Variants in RNASE8 observed in about 807,000 individuals in gnomAD.
The protein encoded by RNASE8 is ribonuclease A family member 8, also known as ribonuclease 8.
For synonymous variants in RNASE8, 68 were observed against 74.1 expected, an observed-to-expected ratio of 0.92 and a Z score of 0.42; for missense variants, 179 against 187.9, an observed-to-expected ratio of 0.95 and a Z score of 0.28.
Position 21,058,215 on chromosome 14 carries a change from G to A in RNASE8, c.323G>A (p.Gly108Asp). Residue 108 changes from glycine to aspartate, a missense_variant, in exon 1 of 1, where the codon GGT (glycine) becomes GAT (aspartate). Gly to Asp is a moderately conservative substitution (Grantham distance 94). Transcript: ENST00000308227. ...CACGGGCCCATGTCCCTGACCATGG[G>A]TGAGCTCACCTCAGGGAAGTACCCA... is the stretch of plus-strand genomic sequence containing the variant. The part of the protein sequence containing the change: ...QSHGPMSLTM[G>D]ELTSGKYPNC... The A allele has an allele frequency of 6.2e-7, 1 of 1,614,132 alleles. No homozygotes were observed.
chr14:21,058,372 G>A lies in RNASE8; in HGVS notation c.*15G>A, dbSNP rs923858905. On this transcript the variant is annotated 3_prime_UTR_variant, in exon 1 of 1. Transcript: ENST00000308227. ...AAGTTGTCTAAGCCCTGGTGCCCAC[G>A]TTCCACCTCACACTCTGCAGACTGT... 13 of 1,554,732 alleles carry A rather than the reference G, an allele frequency of 8.4e-6. No individual in the cohort carries two copies. The highest frequency in any genetic ancestry group is 2.2e-5 in the East Asian group (1 of 44,602).
At position 21,058,050 on chromosome 14, in the gene RNASE8, C is replaced by T. The variant is rs1885760158; in HGVS notation, c.158C>T (p.Ala53Val). 6.2e-7 allele frequency: 1 copy of T among 1,614,044 alleles called. No individual in the cohort carries two copies. Among genetic ancestry groups the T allele is most frequent in the Non-Finnish European group, 8.5e-7 (1 of 1,180,048 alleles). ...VQPSPQACNS[A>V]MSIINKYTER... ...CCCAGCCCTCAAGCATGCAACTCAGCCATGAGCATCATCAATAAGTACACA... is the reference window on the plus strand; with the variant it reads ...CCCAGCCCTCAAGCATGCAACTCAGTCATGAGCATCATCAATAAGTACACA... Residue 53 changes from alanine to valine, a missense_variant, in exon 1 of 1, where the codon GCC (alanine) becomes GTC (valine). Ala to Val is a moderately conservative substitution (Grantham distance 64). Transcript: ENST00000308227.
the RNASE8 span, chr14:21,058,006 TA>T: frequency 6.2e-7 from 1 of 1,613,980 alleles, no homozygotes; most frequent in Non-Finnish European, 8.5e-7. Flanking sequence ...CTCAGTGGTT[TA>T]AAACTCAGCA....
At position 21,058,293 on chromosome 14, in the gene RNASE8, A is replaced by G; in HGVS notation, c.401A>G (p.Asp134Gly). Residue 134 changes from aspartate (D) to glycine (G), a missense_variant, in exon 1 of 1, where the codon GAC (aspartate) becomes GGC (glycine). Coordinates refer to ENST00000308227, the MANE Select transcript of RNASE8 (RefSeq NM_138331.2). ...HLNTPYIVAC[D>G]PPQQGDPGYP... ...AACACACCTTACATAGTGGCCTGTGACCCTCCACAACAGGGTGACCCAGGG... is the reference window on the plus strand; with the variant it reads ...AACACACCTTACATAGTGGCCTGTGGCCCTCCACAACAGGGTGACCCAGGG... The G allele has an allele frequency of 6.2e-7, 1 of 1,613,968 alleles. No individual in the cohort carries two copies. The highest frequency in any genetic ancestry group is 8.5e-7 in the Non-Finnish European group (1 of 1,179,960).
Position 21,057,937 on chromosome 14 carries a change from T to C in RNASE8, c.45T>C (p.Leu15=). 6.2e-7 allele frequency: 1 copy of C among 1,614,016 alleles called. No individual in the cohort carries two copies. Among genetic ancestry groups the C allele is most frequent in the Non-Finnish European group, 8.5e-7 (1 of 1,180,020 alleles). The change falls in exon 1 of 1, where the codon CTT becomes CTC. Residue 15 remains leucine (L), a synonymous_variant. Coordinates refer to ENST00000308227, the MANE Select transcript of RNASE8 (RefSeq NM_138331.2). ...RAGCCPLLLL[L]LGLWVAEVLV... is the part of the protein sequence containing the mutation. ...GATGCTGCCCCCTGCTGCTGCTGCT[T>C]CTGGGGCTGTGGGTGGCAGAGGTCC...
chr14:21,057,993 C>T lies in RNASE8; in HGVS notation c.101C>T (p.Ser34Leu), dbSNP rs1395550874. The change falls in exon 1 of 1, where the codon TCA becomes TTA. Residue 34 changes from serine to leucine, a missense_variant. Ser to Leu is a moderately radical substitution (Grantham distance 145). Transcript: ENST00000308227. ...LVRAKPKDMTSSQWFKTQHVQ... is the reference protein window; with the variant it reads ...LVRAKPKDMTLSQWFKTQHVQ... ...AGAGCCAAGCCCAAGGACATGACAT[C>T]ATCTCAGTGGTTTAAAACTCAGCAT... The T allele has an allele frequency of 1.2e-6, 2 of 1,614,110 alleles. No individual in the cohort carries two copies. The highest frequency in any genetic ancestry group is 4.5e-5 in the East Asian group (2 of 44,872).
At position 21,058,109 on chromosome 14, in the gene RNASE8, G is replaced by A. The variant is rs1285146494; in HGVS notation, c.217G>A (p.Glu73Lys). Residue 73 changes from glutamate to lysine, a missense_variant, in exon 1 of 1, where the codon GAG (glutamate) becomes AAG (lysine). Coordinates refer to ENST00000308227, the MANE Select transcript of RNASE8 (RefSeq NM_138331.2). ...RCKDLNTFLH[E>K]PFSSVAITCQ... ...CAAAGACCTCAACACCTTCCTGCAC[G>A]AGCCCTTCTCCAGTGTGGCCATCAC... 5.6e-6 allele frequency: 9 copies of A among 1,613,924 alleles called. No individual in the cohort carries two copies. Among genetic ancestry groups the A allele is most frequent in the Middle Eastern group, 1.6e-4 (1 of 6,084 alleles).
Position 21,057,967 on chromosome 14 carries a change from C to A in RNASE8, c.75C>A (p.Val25=), listed in dbSNP as rs372625759. The A allele has an allele frequency of 1.9e-6, 3 of 1,613,966 alleles. No individual in the cohort carries two copies. Among genetic ancestry groups the A allele is most frequent in the Non-Finnish European group, 2.5e-6 (3 of 1,180,044 alleles). ...LLGLWVAEVL[V]RAKPKDMTSS... is the part of the protein sequence containing the mutation. ...GGCTGTGGGTGGCAGAGGTCCTAGT[C>A]AGAGCCAAGCCCAAGGACATGACAT... is the stretch of plus-strand genomic sequence containing the variant. The change falls in exon 1 of 1, where the codon GTC becomes GTA. Residue 25 remains valine (V), a synonymous_variant. Coordinates refer to ENST00000308227, the MANE Select transcript of RNASE8 (RefSeq NM_138331.2).
Position 21,057,881 on chromosome 14 carries a change from C to T in RNASE8, c.-12C>T, listed in dbSNP as rs1885749310. ...ACCTCCTCACTCTGTTCCACTGTCT[C>T]CCTTAAGAGAGATGGCACCGGCCAG... is the stretch of plus-strand genomic sequence containing the variant. On this transcript the variant is annotated 5_prime_UTR_variant, in exon 1 of 1. Coordinates refer to ENST00000308227, the MANE Select transcript of RNASE8 (RefSeq NM_138331.2). 1 of 1,611,100 alleles carries T rather than the reference C, an allele frequency of 6.2e-7. No individual in the cohort carries two copies. The highest frequency in any genetic ancestry group is 8.5e-7 in the Non-Finnish European group (1 of 1,178,014).
rs1292206097 is a variant in RNASE8 at position 21,058,178 on chromosome 14, T to C, written c.286T>C (p.Cys96Arg). The change falls in exon 1 of 1, where the codon TGC (cysteine) becomes CGC (arginine). Residue 96 changes from cysteine to arginine, a missense_variant. Physicochemically the swap from Cys to Arg is radical, Grantham distance 180. Transcript: ENST00000308227. ...AGCCTGCAAGAATAGCTGTAAAAAC[T>C]GCCACCAGAGCCACGGGCCCATGTC... ...NIACKNSCKN[C>R]HQSHGPMSLT... The C allele has an allele frequency of 6.2e-7, 1 of 1,614,038 alleles. No homozygotes were observed. The highest frequency in any genetic ancestry group is 1.1e-5 in the South Asian group (1 of 91,070).
In RNASE8 at chr14:21,058,313, C is replaced by G; in HGVS notation, c.421C>G (p.Pro141Ala). Residue 141 changes from proline to alanine, a missense_variant, in exon 1 of 1, where the codon CCA (proline) becomes GCA (alanine). Pro to Ala is a conservative substitution (Grantham distance 27). Coordinates refer to ENST00000308227, the MANE Select transcript of RNASE8 (RefSeq NM_138331.2). ...CTGTGACCCTCCACAACAGGGTGACCCAGGGTACCCACTTGTTCCTGTGCA... is the reference window on the plus strand; with the variant it reads ...CTGTGACCCTCCACAACAGGGTGACGCAGGGTACCCACTTGTTCCTGTGCA... ...VACDPPQQGD[P>A]GYPLVPVHLD... 1 of 1,613,472 alleles carries G rather than the reference C, an allele frequency of 6.2e-7. No individual in the cohort carries two copies. Among genetic ancestry groups the G allele is most frequent in the Non-Finnish European group, 8.5e-7 (1 of 1,179,714 alleles).
chr14:21,058,331 C>A lies in RNASE8; in HGVS notation c.439C>A (p.Pro147Thr). The change falls in exon 1 of 1, where the codon CCT (proline) becomes ACT (threonine). Residue 147 changes from proline to threonine, a missense_variant. Pro to Thr is a conservative substitution (Grantham distance 38). Coordinates refer to ENST00000308227, the MANE Select transcript of RNASE8 (RefSeq NM_138331.2). Reference protein sequence around the residue: ...QQGDPGYPLVPVHLDKVV With the variant: ...QQGDPGYPLVTVHLDKVV ...GGGTGACCCAGGGTACCCACTTGTT[C>A]CTGTGCACTTGGATAAAGTTGTCTA... 2 of 1,611,382 alleles carry A rather than the reference C, an allele frequency of 1.2e-6. No individual in the cohort carries two copies. Among genetic ancestry groups the A allele is most frequent in the Non-Finnish European group, 8.5e-7 (1 of 1,178,508 alleles).
Position 21,058,224 on chromosome 14 carries a change from C to G in RNASE8, c.332C>G (p.Thr111Ser). 2 of 1,614,150 alleles carry G rather than the reference C, an allele frequency of 1.2e-6. No homozygotes were observed. Among genetic ancestry groups the G allele is most frequent in the South Asian group, 2.2e-5 (2 of 91,078 alleles). ...ATGTCCCTGACCATGGGTGAGCTCA[C>G]CTCAGGGAAGTACCCAAACTGCAGG... ...GPMSLTMGEL[T>S]SGKYPNCRYK... The change falls in exon 1 of 1, where the codon ACC (threonine) becomes AGC (serine). Residue 111 changes from threonine to serine, a missense_variant. By Grantham distance (58) the Thr-to-Ser change is moderately conservative. Coordinates refer to ENST00000308227, the MANE Select transcript of RNASE8 (RefSeq NM_138331.2).
chr14:21,058,137 G>GC, the RNASE8 span: 1 of 1,614,116 alleles, frequency 6.2e-7, no homozygotes, highest in Non-Finnish European at 8.5e-7. Context: ...GCCATCACCT[G>GC]CCAGACCCCC....
At chr14:21,058,223 AC>A in the RNASE8 span, 1 of 1,614,130 alleles carries the variant, frequency 6.2e-7, no homozygotes, top group Non-Finnish European at 8.5e-7. Flanking sequence ...GGGTGAGCTC[AC>A]CTCAGGGAAG....
rs964401610 is a variant in RNASE8, at chr14:21,058,421, A to G, written c.*64A>G. 5.8e-6 allele frequency: 7 copies of G among 1,201,866 alleles called. No individual in the cohort carries two copies. Among genetic ancestry groups the G allele is most frequent in the Non-Finnish European group, 8.3e-6 (7 of 844,292 alleles). 74.5% of individuals were successfully genotyped at this position (1,201,866 alleles called of 1,614,324 possible). On this transcript the variant is annotated 3_prime_UTR_variant, in exon 1 of 1. Transcript: ENST00000308227. ...GTATGCTGCTGCTTTTCCTCCCTCC[A>G]GTTCGTTATTAATCCTTGCTCCCCA...
chr14:21,058,119 C>G lies in RNASE8; in HGVS notation c.227C>G (p.Ser76Cys). The G allele has an allele frequency of 6.2e-7, 1 of 1,614,172 alleles. No homozygotes were observed. The highest frequency in any genetic ancestry group is 8.5e-7 in the Non-Finnish European group (1 of 1,180,024). Reference sequence around the variant, plus strand: ...AACACCTTCCTGCACGAGCCCTTCTCCAGTGTGGCCATCACCTGCCAGACC... The same window carrying G: ...AACACCTTCCTGCACGAGCCCTTCTGCAGTGTGGCCATCACCTGCCAGACC... ...DLNTFLHEPF[S>C]SVAITCQTPN... Residue 76 changes from serine to cysteine, a missense_variant, in exon 1 of 1, where the codon TCC (serine) becomes TGC (cysteine). Coordinates refer to ENST00000308227, the MANE Select transcript of RNASE8 (RefSeq NM_138331.2).
chr14:21,058,168 C>T lies in RNASE8; in HGVS notation c.276C>T (p.Ser92=), dbSNP rs370634122. Residue 92 remains serine, a synonymous_variant, in exon 1 of 1, where the codon AGC becomes AGT. Transcript: ENST00000308227. ...CQTPNIACKN[S]CKNCHQSHGP... is the part of the protein sequence containing the mutation. The stretch of plus-strand genomic sequence containing the variant: ...CCCCCAACATAGCCTGCAAGAATAG[C>T]TGTAAAAACTGCCACCAGAGCCACG... The T allele has an allele frequency of 3.1e-6, 5 of 1,614,026 alleles. No homozygotes were observed. The Admixed American group carries it at 5.0e-5, about 16-fold the overall frequency.
chr14:21,058,399 T>C lies in RNASE8; in HGVS notation c.*42T>C, dbSNP rs763329638. 1 of 1,386,476 alleles carries C rather than the reference T, an allele frequency of 7.2e-7. No homozygotes were observed. The highest frequency in any genetic ancestry group is 2.3e-5 in the East Asian group (1 of 43,618). The allele number at this position is 1,386,476 out of a possible 1,614,324, so 85.9% of individuals were successfully genotyped here. On this transcript the variant is annotated 3_prime_UTR_variant, in exon 1 of 1. Coordinates refer to ENST00000308227, the MANE Select transcript of RNASE8 (RefSeq NM_138331.2). The stretch of plus-strand genomic sequence containing the variant: ...TCCACCTCACACTCTGCAGACTGTA[T>C]GCTGCTGCTTTTCCTCCCTCCAGTT...
Sources: gnomAD v4.1 joint callset for allele counts on GRCh38, gnomAD v4.1.1 for gene constraint, MANE v1.5 for transcripts, NCBI Gene and HGNC (gene_info 2026-07-23, HGNC 2026-07-21) for gene names.